The following SLC16A7 variants were observed in gnomAD, a reference collection of about 807,000 sequenced individuals.
The protein encoded by SLC16A7 is solute carrier family 16 member 7.
Under a neutral mutation model 34.9 loss-of-function variants are expected in SLC16A7, and 33 were observed. The ratio of observed to expected loss-of-function variants is 0.94; its 90% CI spans 0.72 to 1.26. The LOEUF (loss-of-function observed/expected upper bound fraction) is 1.26, where lower values mean the gene tolerates loss of function less well. Ranked by LOEUF, SLC16A7 falls within the 50% of genes most tolerant of loss-of-function variation. The pLI, the probability that SLC16A7 is intolerant of heterozygous loss-of-function variation, is 0.00. For missense variants in SLC16A7, 573 were observed against 578.1 expected, an observed-to-expected ratio of 0.99 and a Z score of 0.09; for synonymous variants, 201 against 206.6, an observed-to-expected ratio of 0.97 and a Z score of 0.23.
intron 1 of SLC16A7, among the ~76,000 whole-genome samples, chr12:59,616,711 C>T (rs1030917141): frequency 7.9e-5 from 12 of 151,922 alleles, no homozygotes; most frequent in Non-Finnish European, 1.3e-4. Flanking sequence ...AACTTTTATT[C>T]TGGAAAAAAG....
chr12:59,627,302 T>C (rs1400313339), intron 1 of SLC16A7, among the ~76,000 whole-genome samples: 1 of 151,886 alleles, frequency 6.6e-6, no homozygotes, highest in African/African-American at 2.4e-5. Flanking sequence ...AAAAAGTAAA[T>C]GAATTATTTC....
At chr12:59,685,430 A>C (rs1435412077) in intron 2 of SLC16A7, among the ~76,000 whole-genome samples, 1 of 152,170 alleles carries the variant, frequency 6.6e-6, no homozygotes, top group Non-Finnish European at 1.5e-5. Context: ...TTTATAGGAA[A>C]TGCTGGTGGT....
rs931205059 is a variant in SLC16A7, at chr12:59,760,353, A to G, written c.218-10866A>G. 7.2e-5 allele frequency among the ~76,000 whole-genome samples: 11 copies of G among 152,086 alleles called. 1 individual carries two copies. The East Asian group carries it at 2.1e-3, about 29-fold the overall frequency. ...TCCCAGGTCCTTGGAAGTGACCTAT[A>G]AAAGTGCAGGGCTCTGGAGATTAAG... On this transcript the variant is annotated intron_variant, in intron 3 of 5. Transcript: ENST00000547379.
chr12:59,635,031 T>C (rs2136998579), intron 1 of SLC16A7, among the ~76,000 whole-genome samples: 1 of 152,226 alleles, frequency 6.6e-6, no homozygotes, highest in South Asian at 2.1e-4. Flanking sequence ...GTGAAAATTG[T>C]ATAATGCCAC....
chr12:59,631,644 C>A lies in SLC16A7; in HGVS notation c.-129-23508C>A, dbSNP rs2136994407. On this transcript the variant is annotated intron_variant, in intron 1 of 5. Coordinates refer to ENST00000547379, the MANE Select transcript of SLC16A7 (RefSeq NM_001270623.2). ...GTTTGCTGCACAGATGAACCCATTACCAATAGTCCAGCATGTATTGGATAT... is the reference window on the plus strand; with the variant it reads ...GTTTGCTGCACAGATGAACCCATTAACAATAGTCCAGCATGTATTGGATAT... Among the ~76,000 whole-genome samples the A allele has an allele frequency of 1.3e-5, 2 of 152,088 alleles. 1 individual carries two copies. The highest frequency in any genetic ancestry group is 4.8e-5 in the African/African-American group (2 of 41,554).
chr12:59,674,383 G>C (rs1031976860), intron 2 of SLC16A7, among the ~76,000 whole-genome samples: 24 of 152,130 alleles, frequency 1.6e-4, no homozygotes, highest in African/African-American at 5.8e-4. Flanking sequence ...AAATATTTGT[G>C]AATTAAATGA....
chr12:59,599,198 G>A (rs913600103), intron 1 of SLC16A7, among the ~76,000 whole-genome samples: 1 of 152,142 alleles, frequency 6.6e-6, no homozygotes, highest in African/African-American at 2.4e-5. Context: ...AAGGAAAGAG[G>A]GAGGGAAGCA....
intron 2 of SLC16A7, among the ~76,000 whole-genome samples, chr12:59,700,991 A>C (rs1168696086): frequency 3.3e-5 from 5 of 151,676 alleles, no homozygotes; most frequent in African/African-American, 1.2e-4. Context: ...TCAAGATGAG[A>C]TCGTCATGCA....
chr12:59,599,825 C>T (rs1401313578), intron 1 of SLC16A7, among the ~76,000 whole-genome samples: 4 of 152,204 alleles, frequency 2.6e-5, no homozygotes, highest in African/African-American at 9.7e-5. Flanking sequence ...ATCTGGGCTT[C>T]TCTTAGGCTG....
In SLC16A7 at chr12:59,704,957, C is replaced by T. The variant is rs1391779699; in HGVS notation, c.156C>T (p.His52=). 4 of 1,613,632 alleles carry T rather than the reference C, an allele frequency of 2.5e-6. No homozygotes were observed. The African/African-American group carries it at 5.3e-5, about 22-fold the overall frequency. The change falls in exon 3 of 6, where the codon CAC becomes CAT. Residue 52 remains histidine (H), a synonymous_variant. Coordinates refer to ENST00000547379, the MANE Select transcript of SLC16A7 (RefSeq NM_001270623.2). ...VFFKEIQQIF[H]TTYSEIAWIS... is the part of the protein sequence containing the mutation. ...TCAAAGAAATTCAGCAAATATTCCA[C>T]ACTACCTACAGTGAAATAGCATGGA...
Position 59,781,671 on chromosome 12 carries a change from T to C in SLC16A7, c.*1992T>C, listed in dbSNP as rs1883255408. On this transcript the variant is annotated 3_prime_UTR_variant, in exon 6 of 6. Transcript: ENST00000547379. ...TTTAGTTTCACCCGATCTTGATTCTTGAATTAGCTATGTTTATATTTTTAG... is the reference window on the plus strand; with the variant it reads ...TTTAGTTTCACCCGATCTTGATTCTCGAATTAGCTATGTTTATATTTTTAG... 6.6e-6 allele frequency: 1 copy of C among 152,594 alleles called. No homozygotes were observed. The highest frequency in any genetic ancestry group is 2.4e-5 in the African/African-American group (1 of 41,446). The allele number at this position is 152,594 out of a possible 1,614,324, so 9.5% of individuals were successfully genotyped here. A position where few individuals can be genotyped will look rare whatever the true frequency, so the allele number is the denominator to read the frequency against.
At position 59,671,857 on chromosome 12, in the gene SLC16A7, G is replaced by A. The variant is rs141737148; in HGVS notation, c.-31+16607G>A. ...TATGTATATATGTGTATATATATGT[G>A]TATATGTATATATGTGTATATATGT... On this transcript the variant is annotated intron_variant, in intron 2 of 5. Transcript: ENST00000547379. Among the ~76,000 whole-genome samples, 228 of 69,778 alleles carry A rather than the reference G, an allele frequency of 3.3e-3. 8 individuals carry two copies. Among genetic ancestry groups the A allele is most frequent in the African/African-American group, 7.9e-3 (102 of 12,868 alleles). The allele number at this position is 69,778 out of a possible 152,430, so 45.8% of individuals were successfully genotyped here. A position where few individuals can be genotyped will look rare whatever the true frequency, so the allele number is the denominator to read the frequency against.
rs1883240383 is a variant in SLC16A7 at position 59,781,469 on chromosome 12, T to G, written c.*1790T>G. The stretch of plus-strand genomic sequence containing the variant: ...CATTTGATTCATAAAGTTAATTCAC[T>G]GCTTAAGCATGTGGCTCATATTTAG... On this transcript the variant is annotated 3_prime_UTR_variant, in exon 6 of 6. Transcript: ENST00000547379. The G allele has an allele frequency of 6.6e-6, 1 of 152,574 alleles. No homozygotes were observed. The highest frequency in any genetic ancestry group is 2.1e-4 in the South Asian group (1 of 4,820). The allele number at this position is 152,574 out of a possible 1,614,324, so 9.5% of individuals were successfully genotyped here.
intron 1 of SLC16A7, among the ~76,000 whole-genome samples, chr12:59,606,725 A>C (rs560811397): frequency 5.9e-5 from 9 of 152,330 alleles, no homozygotes; most frequent in African/African-American, 2.2e-4. Context: ...AAGCATTGCT[A>C]TATGAAGTAC....
At chr12:59,757,892 CAG>C (rs1156658212) in intron 3 of SLC16A7, among the ~76,000 whole-genome samples, 1 of 152,120 alleles carries the variant, frequency 6.6e-6, no homozygotes, top group Non-Finnish European at 1.5e-5. Flanking sequence ...TATAAGAAGA[CAG>C]TATATAATAC....
At chr12:59,671,821 GT>G (rs1306373221) in intron 2 of SLC16A7, among the ~76,000 whole-genome samples, 1 of 137,116 alleles carries the variant, frequency 7.3e-6, no homozygotes, top group Non-Finnish European at 1.5e-5. Flanking sequence ...ATATATATGT[GT>G]ATATGTATAT....
At chr12:59,642,812 T>C (rs979861181) in intron 1 of SLC16A7, among the ~76,000 whole-genome samples, 4 of 152,074 alleles carry the variant, frequency 2.6e-5, no homozygotes, top group Admixed American at 6.5e-5. Flanking sequence ...TTGAGATAGA[T>C]TCCATAATTG....
chr12:59,633,691 G>A (rs2136997043), intron 1 of SLC16A7, among the ~76,000 whole-genome samples: 1 of 152,130 alleles, frequency 6.6e-6, no homozygotes, highest in South Asian at 2.1e-4. Context: ...GCATGGATGG[G>A]GAGGCCCCAG....
chr12:59,715,911 C>T (rs958235338), intron 3 of SLC16A7, among the ~76,000 whole-genome samples: 3 of 152,154 alleles, frequency 2.0e-5, no homozygotes, highest in African/African-American at 7.2e-5. Flanking sequence ...GCCTGCACAA[C>T]CACAAAGCTA....
Sources: allele counts gnomAD v4.1 joint callset (sites outside exome capture counted in the v4.1 genomes callset), GRCh38; gene constraint gnomAD v4.1.1; transcripts MANE v1.5; gene names NCBI Gene and HGNC (gene_info 2026-07-23, HGNC 2026-07-21).